SGCD: variants seen among roughly 807,000 people sequenced by gnomAD.
SGCD encodes delta-sarcoglycan.
In SGCD, 18 loss-of-function variants were observed where a neutral mutation model predicts 36.6. The ratio of observed to expected loss-of-function variants is 0.49; its 90% confidence interval spans 0.34 to 0.73. The LOEUF (loss-of-function observed/expected upper bound fraction) is 0.73. Ranked by LOEUF, SGCD falls within the 30% of genes least tolerant of loss-of-function variation. The probability of loss-of-function intolerance (pLI) is 0.01; values close to 1 mark genes in which losing one functional copy is unlikely to be tolerated. For synonymous variants in SGCD, 133 were observed against 130.6 expected (o/e 1.02, Z -0.12); for missense variants, 387 against 346.7 (o/e 1.12, Z -0.92).
intron 4 of SGCD, among the ~76,000 whole-genome samples, chr5:156,580,246 C>G (rs77883671): frequency 3.3e-5 from 5 of 152,232 alleles, no homozygotes; most frequent in Non-Finnish European, 7.3e-5. Context: ...TTGTCCCCCA[C>G]TCTCTACTGG....
chr5:156,014,375 C>G (rs1363156944), intron 1 of SGCD, among the ~76,000 whole-genome samples: 1 of 152,118 alleles, frequency 6.6e-6, no homozygotes, highest in Non-Finnish European at 1.5e-5. Context: ...CCTGCATACC[C>G]TTTACCCAGA....
chr5:156,558,031 G>C (rs893765235), intron 4 of SGCD, among the ~76,000 whole-genome samples: 2 of 142,596 alleles, frequency 1.4e-5, no homozygotes, highest in African/African-American at 5.3e-5. Context: ...TGGAAAAATG[G>C]GTTCAAAAAT....
chr5:156,126,867 T>G (rs1762184615), intron 3 of SGCD, among the ~76,000 whole-genome samples: 1 of 152,230 alleles, frequency 6.6e-6, no homozygotes, highest in Admixed American at 6.5e-5. Context: ...CTGAGCTTGT[T>G]AGGCATGCAA....
At chr5:156,452,264 T>C (rs148043401) in intron 3 of SGCD, among the ~76,000 whole-genome samples, 1 of 152,264 alleles carries the variant, frequency 6.6e-6, no homozygotes, top group Non-Finnish European at 1.5e-5. Context: ...TCATGGACCT[T>C]GTAGTTTTTC....
intron 4 of SGCD, among the ~76,000 whole-genome samples, chr5:156,539,337 C>G (rs1390503489): frequency 6.6e-6 from 1 of 151,786 alleles, no homozygotes; most frequent in Non-Finnish European, 1.5e-5. Flanking sequence ...GTGGTGGTTT[C>G]TGAGATTTTG....
intron 3 of SGCD, among the ~76,000 whole-genome samples, chr5:156,475,573 A>C (rs1755143791): frequency 6.6e-6 from 1 of 152,190 alleles, no homozygotes; most frequent in African/African-American, 2.4e-5. Flanking sequence ...GTCTAGCCAA[A>C]AGATAGGAAG....
At chr5:156,207,837 T>C (rs1764331162) in intron 3 of SGCD, among the ~76,000 whole-genome samples, 1 of 152,142 alleles carries the variant, frequency 6.6e-6, no homozygotes, top group Non-Finnish European at 1.5e-5. Flanking sequence ...GTATATATAA[T>C]GTAATTGATC....
At position 156,490,184 on chromosome 5, in the gene SGCD, C is replaced by G. The variant is rs145065872; in HGVS notation, c.193-18417C>G. Among the ~76,000 whole-genome samples, 394 of 151,892 alleles carry G rather than the reference C, an allele frequency of 2.6e-3. 1 individual carries two copies. The highest frequency in any genetic ancestry group is 8.6e-3 in the African/African-American group (357 of 41,474). ...GAAGATACAGAAAACACGAACGGAACAAAAATGAGTAATGACATTGAATCA... is the reference window on the plus strand; with the variant it reads ...GAAGATACAGAAAACACGAACGGAAGAAAAATGAGTAATGACATTGAATCA... On this transcript the variant is annotated intron_variant, in intron 3 of 8. Coordinates refer to ENST00000337851, the MANE Select transcript of SGCD (RefSeq NM_000337.6).
At chr5:156,108,694 G>A (rs946116840) in intron 1 of SGCD, among the ~76,000 whole-genome samples, 1 of 152,030 alleles carries the variant, frequency 6.6e-6, no homozygotes, top group Non-Finnish European at 1.5e-5. Flanking sequence ...CTAATCAAAT[G>A]TACTGTTTTT....
chr5:156,129,278 TC>T (rs1762252645), intron 3 of SGCD, among the ~76,000 whole-genome samples: 1 of 152,236 alleles, frequency 6.6e-6, no homozygotes, highest in South Asian at 2.1e-4. Context: ...ACTCATTTGA[TC>T]CTTGAAACAA....
intron 3 of SGCD, among the ~76,000 whole-genome samples, chr5:156,423,415 A>G (rs1370193217): frequency 8.4e-6 from 1 of 119,696 alleles, no homozygotes; most frequent in Non-Finnish European, 1.6e-5. Flanking sequence ...AATATAATAT[A>G]TTATATTTTA....
chr5:155,972,100 C>G (rs1013229438), intron 1 of SGCD, among the ~76,000 whole-genome samples: 3 of 152,060 alleles, frequency 2.0e-5, no homozygotes, highest in Non-Finnish European at 4.4e-5. Context: ...CTAGCATATG[C>G]CAAAAGCCTT....
chr5:155,787,176 C>G, the SGCD span, among the ~76,000 whole-genome samples: 11 of 152,164 alleles, frequency 7.2e-5, no homozygotes, highest in Non-Finnish European at 4.4e-5. Flanking sequence ...CACATCTCTT[C>G]TTTTAGGACA....
At chr5:155,850,730 C>T in the SGCD span, among the ~76,000 whole-genome samples, 1 of 152,164 alleles carries the variant, frequency 6.6e-6, no homozygotes, top group African/African-American at 2.4e-5. Context: ...TGCTCCTTGT[C>T]TTTCCTTTTG....
chr5:156,083,317 G>T (rs576212119), intron 1 of SGCD, among the ~76,000 whole-genome samples: 163 of 132,962 alleles, frequency 1.2e-3, no homozygotes, highest in South Asian at 2.6e-3. Flanking sequence ...TCTTTTTTTT[G>T]GAGTTTCGCT....
the SGCD span, among the ~76,000 whole-genome samples, chr5:155,834,547 T>C: frequency 1.3e-5 from 2 of 152,244 alleles, no homozygotes; most frequent in African/African-American, 4.8e-5. Flanking sequence ...TAATTAATAA[T>C]ATGTTTTCCA....
chr5:155,861,890 C>A, the SGCD span, among the ~76,000 whole-genome samples: 1 of 152,178 alleles, frequency 6.6e-6, no homozygotes, highest in African/African-American at 2.4e-5. Flanking sequence ...CATTCACTTT[C>A]TGCCAGCCAT....
intron 6 of SGCD, among the ~76,000 whole-genome samples, chr5:156,613,429 A>G (rs536580112): frequency 1.3e-5 from 2 of 152,330 alleles, no homozygotes; most frequent in African/African-American, 4.8e-5. Flanking sequence ...ACAGGCTAGG[A>G]AGTATTACAC....
At chr5:156,480,192 C>T (rs1197741721) in intron 3 of SGCD, among the ~76,000 whole-genome samples, 1 of 152,214 alleles carries the variant, frequency 6.6e-6, no homozygotes, top group Non-Finnish European at 1.5e-5. Context: ...TTCAACTCTA[C>T]CTAACAGCTC....
Sources: gnomAD v4.1 joint callset for allele counts (sites outside exome capture counted in the v4.1 genomes callset) on GRCh38, gnomAD v4.1.1 for gene constraint, MANE v1.5 for transcripts, NCBI Gene and HGNC (gene_info 2026-07-23, HGNC 2026-07-21) for gene names.